The following CNTNAP2 variants were observed in gnomAD, a reference collection of about 807,000 sequenced individuals.
CNTNAP2 encodes contactin-associated protein-like 2.
In CNTNAP2, 98 loss-of-function variants were observed where a neutral mutation model predicts 155.2. The ratio of observed to expected loss-of-function variants is 0.63; its 90% confidence interval spans 0.54 to 0.75. The LOEUF is 0.75. Among genes scored for constraint, CNTNAP2 ranks in the 30% least tolerant of loss-of-function variants. The pLI is 0.00. For synonymous variants in CNTNAP2, 651 were observed against 631.2 expected, an observed-to-expected ratio of 1.03 and a Z score of -0.47; for missense variants, 1,727 against 1,688.1, an observed-to-expected ratio of 1.02 and a Z score of -0.40.
intron 4 of CNTNAP2, among the ~76,000 whole-genome samples, chr7:147,067,012 G>T (rs148281087): frequency 6.8e-4 from 104 of 152,260 alleles, no homozygotes; most frequent in African/African-American, 2.4e-3. Flanking sequence ...GTGGGACTAG[G>T]CTGGGCGCAT....
intron 11 of CNTNAP2, among the ~76,000 whole-genome samples, chr7:147,542,413 A>T (rs1311132834): frequency 6.6e-6 from 1 of 152,136 alleles, no homozygotes; most frequent in Non-Finnish European, 1.5e-5. Context: ...CCAAGACTTC[A>T]TTTACGGACT....
intron 8 of CNTNAP2, among the ~76,000 whole-genome samples, chr7:147,243,319 A>C (rs1297230335): frequency 6.6e-6 from 1 of 151,996 alleles, no homozygotes. Context: ...TAAATGTTGC[A>C]AATTAGAATT....
chr7:147,585,179 A>G (rs2116833213), intron 12 of CNTNAP2, among the ~76,000 whole-genome samples: 1 of 152,296 alleles, frequency 6.6e-6, no homozygotes, highest in African/African-American at 2.4e-5. Flanking sequence ...AGCAGCAGGC[A>G]TATTTACAGA....
intron 1 of CNTNAP2, among the ~76,000 whole-genome samples, chr7:146,325,385 G>C (rs1338514847): frequency 6.6e-6 from 1 of 152,152 alleles, no homozygotes; most frequent in Non-Finnish European, 1.5e-5. Context: ...CAAAGCCAAT[G>C]TATTCAACTT....
intron 12 of CNTNAP2, among the ~76,000 whole-genome samples, chr7:147,612,401 C>CTTTTTT (rs565607932): frequency 1.5e-5 from 2 of 133,042 alleles, no homozygotes; most frequent in African/African-American, 5.5e-5. Flanking sequence ...AATTTTCTTT[C>CTTTTTT]TTTTTTTTTT....
intron 21 of CNTNAP2, among the ~76,000 whole-genome samples, chr7:148,283,296 AAAGAAAGAAAGGAAGGAAGGAAGG>A (rs1479606599): frequency 5.2e-5 from 5 of 97,038 alleles, no homozygotes; most frequent in African/African-American, 2.4e-4. Context: ...AGAAAGAAAG[AAAGAAAGAAAGGAAGGAAGGAAGG>A]AAAGAAAGAA....
intron 1 of CNTNAP2, among the ~76,000 whole-genome samples, chr7:146,211,332 C>T (rs1007825476): frequency 3.3e-5 from 5 of 152,036 alleles, no homozygotes; most frequent in Non-Finnish European, 7.4e-5. Context: ...TAGCTAAAGT[C>T]GAAATCTTGA....
intron 1 of CNTNAP2, among the ~76,000 whole-genome samples, chr7:146,429,325 G>A (rs1173364679): frequency 1.3e-5 from 2 of 152,108 alleles, no homozygotes; most frequent in Non-Finnish European, 2.9e-5. Context: ...ACTTTGGGCA[G>A]TATGGACATT....
intron 1 of CNTNAP2, among the ~76,000 whole-genome samples, chr7:146,148,772 ACATTAAAAT>A (rs1797991469): frequency 6.6e-6 from 1 of 152,192 alleles, no homozygotes; most frequent in Non-Finnish European, 1.5e-5. Context: ...AGAACATGAT[ACATTAAAAT>A]CATTGATAAC....
intron 15 of CNTNAP2, among the ~76,000 whole-genome samples, chr7:148,007,194 G>A (rs536580204): frequency 5.9e-5 from 9 of 152,274 alleles, no homozygotes; most frequent in African/African-American, 1.9e-4. Context: ...CTTTTATCAA[G>A]TAAACATATT....
chr7:146,979,264 T>C (rs1448743757), intron 3 of CNTNAP2, among the ~76,000 whole-genome samples: 1 of 152,162 alleles, frequency 6.6e-6, no homozygotes, highest in Non-Finnish European at 1.5e-5. Flanking sequence ...TTCCCTGGCC[T>C]CGTCTTATAC....
At chr7:147,834,106 C>A (rs1798596787) in intron 13 of CNTNAP2, among the ~76,000 whole-genome samples, 1 of 149,284 alleles carries the variant, frequency 6.7e-6, no homozygotes, top group Non-Finnish European at 1.5e-5. Flanking sequence ...AGCTCCTCTG[C>A]TGACTATCAT....
chr7:146,721,438 TA>T (rs1801309804), intron 1 of CNTNAP2, among the ~76,000 whole-genome samples: 1 of 126,270 alleles, frequency 7.9e-6, no homozygotes, highest in African/African-American at 3.3e-5. Context: ...ATATATATTC[TA>T]TATATACATT....
chr7:147,619,390 G>A (rs911046487), intron 12 of CNTNAP2, among the ~76,000 whole-genome samples: 1 of 152,152 alleles, frequency 6.6e-6, no homozygotes, highest in African/African-American at 2.4e-5. Context: ...GTTCTAGATG[G>A]TGGACACATG....
chr7:146,896,822 A>T (rs1033359285), intron 3 of CNTNAP2, among the ~76,000 whole-genome samples: 1 of 152,126 alleles, frequency 6.6e-6, no homozygotes, highest in Non-Finnish European at 1.5e-5. Context: ...AATTATAACT[A>T]GTAAAATTAT....
At chr7:146,816,519 A>G (rs1486588300) in intron 2 of CNTNAP2, among the ~76,000 whole-genome samples, 1 of 152,192 alleles carries the variant, frequency 6.6e-6, no homozygotes, top group African/African-American at 2.4e-5. Context: ...ATGGGCACAC[A>G]CTGTAAAATG....
chr7:146,485,825 T>C (rs1797046614), intron 1 of CNTNAP2, among the ~76,000 whole-genome samples: 1 of 151,930 alleles, frequency 6.6e-6, no homozygotes, highest in Non-Finnish European at 1.5e-5. Flanking sequence ...AAATTACCTA[T>C]TAACAAACCT....
intron 10 of CNTNAP2, among the ~76,000 whole-genome samples, chr7:147,465,624 A>T (rs954979323): frequency 4.6e-5 from 7 of 152,244 alleles, no homozygotes; most frequent in African/African-American, 1.4e-4. Flanking sequence ...ATATTTCAGC[A>T]GACGCTAATT....
chr7:147,925,154 A>AGAGAGAGAAGGAAGGAAGGAAG (rs1554450375), intron 14 of CNTNAP2, among the ~76,000 whole-genome samples: 5 of 63,340 alleles, frequency 7.9e-5, no homozygotes, highest in South Asian at 1.7e-3. Flanking sequence ...AGAGAGAGAG[A>AGAGAGAGAAGGAAGGAAGGAAG]GAAGGAAGGA....
Sources: gnomAD v4.1 joint callset for allele counts (sites outside exome capture counted in the v4.1 genomes callset) on GRCh38, gnomAD v4.1.1 for gene constraint, MANE v1.5 for transcripts, NCBI Gene and HGNC (gene_info 2026-07-23, HGNC 2026-07-21) for gene names.